The following FCHSD2 variants were observed in gnomAD, a reference collection of about 807,000 sequenced individuals.
FCHSD2 encodes the protein F-BAR and double SH3 domains protein 2.
In FCHSD2, 38 loss-of-function variants were observed where a neutral mutation model predicts 108.1. The ratio of observed to expected loss-of-function variants is 0.35; its 90% CI spans 0.27 to 0.46. FCHSD2 has a LOEUF of 0.46. Ranked by LOEUF, FCHSD2 falls within the 20% of genes least tolerant of loss-of-function variation. FCHSD2 has a pLI of 1.00. For synonymous variants in FCHSD2, 279 were observed against 314.7 expected, an observed-to-expected ratio of 0.89 and a Z score of 1.20; for missense variants, 751 against 897.8, an observed-to-expected ratio of 0.84 and a Z score of 2.09.
At chr11:72,867,754 T>C in intron 13 of FCHSD2, 111 bp downstream of exon 13, 1 of 851,276 alleles carries the variant, frequency 1.2e-6, no homozygotes, top group Non-Finnish European at 1.8e-6. Context: ...CCTAAATCAC[T>C]AGCAAACTAT....
chr11:72,967,699 T>C (rs1192864165), intron 8 of FCHSD2, among the ~76,000 whole-genome samples: 2 of 152,136 alleles, frequency 1.3e-5, no homozygotes, highest in Non-Finnish European at 2.9e-5. Context: ...GTGGTGATGG[T>C]TGTACAACCT....
intron 3 of FCHSD2, among the ~76,000 whole-genome samples, chr11:73,073,534 T>C (rs2135502558): frequency 6.6e-6 from 1 of 152,344 alleles, no homozygotes; most frequent in East Asian, 1.9e-4. Flanking sequence ...CAAATTGCTG[T>C]CATACGATCA....
At chr11:73,111,317 A>G (rs1011475061) in intron 2 of FCHSD2, among the ~76,000 whole-genome samples, 2 of 152,224 alleles carry the variant, frequency 1.3e-5, no homozygotes, top group Admixed American at 6.5e-5. Flanking sequence ...ATATATATTT[A>G]CAACTGTTAT....
chr11:73,003,802 A>ATT (rs1475024432), intron 4 of FCHSD2, among the ~76,000 whole-genome samples: 2 of 151,640 alleles, frequency 1.3e-5, no homozygotes, highest in South Asian at 4.2e-4. Flanking sequence ...ATATGAAGCA[A>ATT]TTGTGAAGGA....
At position 72,900,548 on chromosome 11, in the gene FCHSD2, T is replaced by A. The variant is rs544362242; in HGVS notation, c.924+1995A>T. 6.6e-5 allele frequency among the ~76,000 whole-genome samples: 10 copies of A among 152,284 alleles called. No homozygotes were observed. In the East Asian group the frequency reaches 1.9e-3, roughly 29 times the overall value. On this transcript the variant is annotated intron_variant, in intron 10 of 19. Coordinates refer to ENST00000409418, the MANE Select transcript of FCHSD2 (RefSeq NM_014824.3). Reference sequence around the variant, plus strand: ...AAATAACATCAAATTAGTCATAATTTTAAGACAAGCTTGACACACTTGTCT... The same window carrying A: ...AAATAACATCAAATTAGTCATAATTATAAGACAAGCTTGACACACTTGTCT...
At chr11:72,956,739 G>A (rs1285983615) in intron 8 of FCHSD2, among the ~76,000 whole-genome samples, 1 of 151,876 alleles carries the variant, frequency 6.6e-6, no homozygotes, top group Non-Finnish European at 1.5e-5. Context: ...TATCCCCTTG[G>A]GGGTCAGGAC....
At chr11:73,043,239 T>C (rs920447931) in intron 3 of FCHSD2, among the ~76,000 whole-genome samples, 3 of 152,198 alleles carry the variant, frequency 2.0e-5, no homozygotes, top group Admixed American at 1.3e-4. Flanking sequence ...CTATGCCCAG[T>C]CTGTTGAGAG....
chr11:72,851,465 G>A (rs1009008372), intron 13 of FCHSD2, among the ~76,000 whole-genome samples: 1 of 152,208 alleles, frequency 6.6e-6, no homozygotes, highest in Non-Finnish European at 1.5e-5. Context: ...TGCCGGCCGG[G>A]TGAGGTGGCT....
chr11:73,013,341 A>C (rs1386449833), intron 4 of FCHSD2, among the ~76,000 whole-genome samples: 1 of 152,134 alleles, frequency 6.6e-6, no homozygotes, highest in African/African-American at 2.4e-5. Context: ...ATTCTTTAAG[A>C]CCTGGCTCTA....
chr11:72,900,425 GT>G, intron 10 of FCHSD2: 1 of 768,570 alleles, frequency 1.3e-6, no homozygotes, highest in Non-Finnish European at 2.2e-6. Context: ...TTAGCACAGT[GT>G]TTAGAAACAA....
At chr11:72,922,156 G>A (rs1855986826) in intron 8 of FCHSD2, among the ~76,000 whole-genome samples, 1 of 152,130 alleles carries the variant, frequency 6.6e-6, no homozygotes, top group African/African-American at 2.4e-5. Flanking sequence ...GGAACTAAAA[G>A]AGGTAAGATC....
intron 3 of FCHSD2, among the ~76,000 whole-genome samples, chr11:73,062,582 G>A (rs539050431): frequency 6.6e-6 from 1 of 152,272 alleles, no homozygotes; most frequent in African/African-American, 2.4e-5. Flanking sequence ...AACCAGTGTA[G>A]AGGAGAACAT....
chr11:72,864,791 T>C (rs61895228), intron 13 of FCHSD2, among the ~76,000 whole-genome samples: 1 of 152,294 alleles, frequency 6.6e-6, no homozygotes, highest in East Asian at 1.9e-4. Flanking sequence ...GTATGGCTTT[T>C]GAATAAGAGA....
intron 3 of FCHSD2, among the ~76,000 whole-genome samples, chr11:73,025,155 T>C (rs188847554): frequency 4.0e-4 from 61 of 152,324 alleles, no homozygotes; most frequent in Non-Finnish European, 6.8e-4. Flanking sequence ...CCCAAAGGAA[T>C]ATAAATCATT....
intron 8 of FCHSD2, among the ~76,000 whole-genome samples, chr11:72,926,577 C>G (rs979441882): frequency 6.6e-6 from 1 of 152,194 alleles, no homozygotes; most frequent in African/African-American, 2.4e-5. Flanking sequence ...GGCCTCCTCT[C>G]TGCTGAGAGC....
chr11:73,058,493 T>G (rs1020977188), intron 3 of FCHSD2, among the ~76,000 whole-genome samples: 9 of 152,130 alleles, frequency 5.9e-5, no homozygotes, highest in African/African-American at 2.2e-4. Flanking sequence ...GATACATAGT[T>G]AAATTAGGGA....
At chr11:72,997,383 T>C (rs563589682) in intron 5 of FCHSD2, among the ~76,000 whole-genome samples, 1 of 152,284 alleles carries the variant, frequency 6.6e-6, no homozygotes, top group Admixed American at 6.5e-5. Flanking sequence ...TTCTATCCAC[T>C]TGCCAGAAGA....
At chr11:72,975,549 T>C (rs1416988965) in intron 8 of FCHSD2, among the ~76,000 whole-genome samples, 1 of 152,196 alleles carries the variant, frequency 6.6e-6, no homozygotes, top group East Asian at 1.9e-4. Flanking sequence ...TAATAAATAT[T>C]TGAGATGATG....
intron 8 of FCHSD2, among the ~76,000 whole-genome samples, chr11:72,944,616 G>C (rs1856483574): frequency 2.0e-5 from 3 of 152,084 alleles, no homozygotes; most frequent in Admixed American, 1.3e-4. Flanking sequence ...AATTGTCCCT[G>C]TTTGTAGATG....
Sources: allele counts gnomAD v4.1 joint callset (sites outside exome capture counted in the v4.1 genomes callset), GRCh38; gene constraint gnomAD v4.1.1; transcripts MANE v1.5; gene names NCBI Gene and HGNC (gene_info 2026-07-23, HGNC 2026-07-21).